XPO6: variants seen among roughly 807,000 people sequenced by gnomAD.
XPO6 encodes the protein exportin 6, also known as exportin-6.
A neutral mutation model predicts 130.0 loss-of-function variants in XPO6; 3 were observed. That is an observed-to-expected ratio of 0.02 (90% confidence interval 0.01 to 0.06). The LOEUF (loss-of-function observed/expected upper bound fraction) is 0.06. Ranked by LOEUF, XPO6 falls within the 10% of genes least tolerant of loss-of-function variation. The pLI, the probability that XPO6 is intolerant of heterozygous loss-of-function variation, is 1.00. For synonymous variants in XPO6, 524 were observed against 548.9 expected, an observed-to-expected ratio of 0.95 and a Z score of 0.63; for missense variants, 970 against 1,393.0, an observed-to-expected ratio of 0.70 and a Z score of 4.83.
At chr16:28,129,849 C>T (rs892433041) in intron 12 of XPO6, among the ~76,000 whole-genome samples, 1 of 152,220 alleles carries the variant, frequency 6.6e-6, no homozygotes, top group Non-Finnish European at 1.5e-5. Context: ...AGGAGAAATA[C>T]TGTCTCAATG....
At position 28,211,388 on chromosome 16, in the gene XPO6, G is replaced by T; in HGVS notation, c.-20C>A. On this transcript the variant is annotated 5_prime_UTR_variant, in exon 1 of 24. Transcript: ENST00000304658. ...TACCATGCTGGCCGGGGAGGGGGCG[G>T]CTCAGATGAGCTGGTTCTTGGGCTT... The T allele has an allele frequency of 7.6e-7, 1 of 1,312,288 alleles. No individual in the cohort carries two copies. Among genetic ancestry groups the T allele is most frequent in the South Asian group, 3.2e-5 (1 of 31,402 alleles). 81.3% of individuals were successfully genotyped at this position (1,312,288 alleles called of 1,614,324 possible).
At chr16:28,107,733 G>C in intron 17 of XPO6, 56 bp from the exon 18 acceptor site, 2 of 1,596,728 alleles carry the variant, frequency 1.3e-6, no homozygotes, top group East Asian at 2.2e-5. Context: ...AGCATGGTAA[G>C]AGGAGACACA....
Position 28,112,979 on chromosome 16 carries a change from A to T in XPO6, c.2076T>A (p.Phe692Leu). The T allele has an allele frequency of 6.2e-7, 1 of 1,614,192 alleles. No homozygotes were observed. The highest frequency in any genetic ancestry group is 8.5e-7 in the Non-Finnish European group (1 of 1,180,034). ...TCTGCACTGCAGGGATGCTGATCAG[A>T]AAGACGGGCCGCACGGTGGTGGCCA... ...VSLATTVRPV[F>L]LISIPAVQKV... Residue 692 changes from phenylalanine (F) to leucine (L), a missense_variant, in exon 16 of 24, where the codon TTT becomes TTA. Coordinates refer to ENST00000304658, the MANE Select transcript of XPO6 (RefSeq NM_015171.4).
At position 28,106,562 on chromosome 16, in the gene XPO6, C is replaced by T. The variant is rs1422133856; in HGVS notation, c.2498-65G>A. On this transcript the variant is annotated intron_variant, in intron 18 of 23. Transcript: ENST00000304658. The surrounding 1 kb of genome is among the most constrained non-coding windows in gnomAD (Gnocchi z 4.2). Reference sequence around the variant, plus strand: ...CAGTGAGAACCAGAACCCTGGGCTTCATCAACCTACTCCTGAAATCTGCAC... The same window carrying T: ...CAGTGAGAACCAGAACCCTGGGCTTTATCAACCTACTCCTGAAATCTGCAC... 2 of 1,288,100 alleles carry T rather than the reference C, an allele frequency of 1.6e-6. No homozygotes were observed. Among genetic ancestry groups the T allele is most frequent in the African/African-American group, 1.5e-5 (1 of 68,440 alleles). 79.8% of individuals were successfully genotyped at this position (1,288,100 alleles called of 1,614,324 possible).
intron 1 of XPO6, among the ~76,000 whole-genome samples, chr16:28,203,707 T>C (rs1317376514): frequency 6.6e-6 from 1 of 152,182 alleles, no homozygotes; most frequent in Admixed American, 6.6e-5. Context: ...CAAAATCAGC[T>C]TGTGCTTTTC....
chr16:28,133,621 T>A (rs965400424), intron 11 of XPO6, among the ~76,000 whole-genome samples: 1 of 152,234 alleles, frequency 6.6e-6, no homozygotes, highest in African/African-American at 2.4e-5. Flanking sequence ...CAAATTGCTA[T>A]TATATCCAAG....
intron 12 of XPO6, among the ~76,000 whole-genome samples, chr16:28,127,673 T>C (rs1451296729): frequency 6.6e-6 from 1 of 152,160 alleles, no homozygotes; most frequent in East Asian, 1.9e-4. Context: ...GCTGAATGCC[T>C]CGATCCGCCA....
intron 1 of XPO6, among the ~76,000 whole-genome samples, chr16:28,205,467 C>G (rs941312310): frequency 6.6e-6 from 1 of 152,160 alleles, no homozygotes; most frequent in Non-Finnish European, 1.5e-5. Context: ...TTCCCTGACT[C>G]TTCTCAGCCA....
intron 6 of XPO6, among the ~76,000 whole-genome samples, chr16:28,164,275 C>G (rs969675591): frequency 6.6e-6 from 1 of 152,124 alleles, no homozygotes; most frequent in African/African-American, 2.4e-5. Context: ...AAAACTGATA[C>G]GGTCAAGAAA....
chr16:28,127,660 C>T (rs1189426539), intron 12 of XPO6, among the ~76,000 whole-genome samples: 1 of 152,208 alleles, frequency 6.6e-6, no homozygotes, highest in Non-Finnish European at 1.5e-5. Context: ...AATGAAGTAG[C>T]AGGCTGAATG....
chr16:28,180,078 G>C (rs1054427070), intron 2 of XPO6, among the ~76,000 whole-genome samples: 1 of 152,124 alleles, frequency 6.6e-6, no homozygotes, highest in Admixed American at 6.5e-5. Context: ...GAATATCGAA[G>C]ACTAATGGCC....
At chr16:28,104,491 C>A in intron 21 of XPO6, 55 bp downstream of exon 21, 1 of 1,594,534 alleles carries the variant, frequency 6.3e-7, no homozygotes, top group Non-Finnish European at 8.6e-7. Flanking sequence ...ACAGGACTCG[C>A]TGCAGTGGTC....
chr16:28,111,800 G>C lies in XPO6; in HGVS notation c.2341+17C>G. 1.9e-6 allele frequency: 3 copies of C among 1,613,330 alleles called. No individual in the cohort carries two copies. Among genetic ancestry groups the C allele is most frequent in the Non-Finnish European group, 2.5e-6 (3 of 1,179,456 alleles). ...CCTACCTCCTTCCCCAGCTGTCCTA[G>C]CCTAGGGGTCACTTACTGTCATCCA... On this transcript the variant is annotated intron_variant, in intron 17 of 23. Transcript: ENST00000304658.
Position 28,107,502 on chromosome 16 carries a change from G to C in XPO6, c.2497+20C>G. ...CTTGTTAGCACCACCCACCAGTGGG[G>C]CCTCTGGGCCAGCTCCTACCTGACT... On this transcript the variant is annotated intron_variant, in intron 18 of 23. Transcript: ENST00000304658. The C allele has an allele frequency of 6.2e-7, 1 of 1,613,478 alleles. No homozygotes were observed. The highest frequency in any genetic ancestry group is 8.5e-7 in the Non-Finnish European group (1 of 1,179,596).
At chr16:28,167,902 A>G (rs1432908287) in intron 5 of XPO6, among the ~76,000 whole-genome samples, 1 of 132,784 alleles carries the variant, frequency 7.5e-6, no homozygotes, top group Admixed American at 8.1e-5. Context: ...TAAGTAGATT[A>G]GTGAATGCCA....
At chr16:28,161,466 G>T (rs2043277102) in intron 6 of XPO6, among the ~76,000 whole-genome samples, 1 of 151,720 alleles carries the variant, frequency 6.6e-6, no homozygotes, top group Non-Finnish European at 1.5e-5. Context: ...CTTAAAAGTG[G>T]ACTTATCAAG....
chr16:28,099,018 C>T (rs900246022), intron 23 of XPO6, among the ~76,000 whole-genome samples: 1 of 152,228 alleles, frequency 6.6e-6, no homozygotes, highest in African/African-American at 2.4e-5. Flanking sequence ...GAGACCAGCA[C>T]ACTTGCTCCT....
At chr16:28,201,842 G>A (rs889588165) in intron 1 of XPO6, among the ~76,000 whole-genome samples, 3 of 152,120 alleles carry the variant, frequency 2.0e-5, no homozygotes, top group Admixed American at 1.3e-4. Context: ...GCGACAAAGC[G>A]AGACTCCGTC....
chr16:28,131,913 T>C (rs533291850), intron 12 of XPO6, among the ~76,000 whole-genome samples: 1 of 152,180 alleles, frequency 6.6e-6, no homozygotes, highest in Non-Finnish European at 1.5e-5. Flanking sequence ...CTGGGGCCAT[T>C]TGCAACAGGT....
Sources: allele counts gnomAD v4.1 joint callset (sites outside exome capture counted in the v4.1 genomes callset), GRCh38; gene constraint gnomAD v4.1.1; non-coding constraint Gnocchi (gnomAD v3.1); transcripts MANE v1.5; gene names NCBI Gene and HGNC (gene_info 2026-07-23, HGNC 2026-07-21).